The following SIPA1L3 variants were observed in gnomAD, a reference collection of about 807,000 sequenced individuals.
The protein encoded by SIPA1L3 is signal-induced proliferation-associated 1-like protein 3.
Under a neutral mutation model 150.1 loss-of-function variants are expected in SIPA1L3, and 59 were observed. The observed-to-expected ratio is 0.39, with a 90% confidence interval of 0.32 to 0.49. SIPA1L3 has a LOEUF of 0.49. Ranked by LOEUF, SIPA1L3 falls within the 20% of genes least tolerant of loss-of-function variation. The probability of loss-of-function intolerance (pLI) is 0.86; values close to 1 mark genes in which losing one functional copy is unlikely to be tolerated. For synonymous variants in SIPA1L3, 1,070 were observed against 1,077.6 expected, an observed-to-expected ratio of 0.99 and a Z score of 0.14; for missense variants, 2,211 against 2,489.5, an observed-to-expected ratio of 0.89 and a Z score of 2.38.
chr19:38,154,525 G>A (rs1328693838), intron 13 of SIPA1L3, among the ~76,000 whole-genome samples: 1 of 151,992 alleles, frequency 6.6e-6, no homozygotes, highest in Non-Finnish European at 1.5e-5. Context: ...TCGGCTCACC[G>A]CAACCTCCAA....
intron 1 of SIPA1L3, among the ~76,000 whole-genome samples, chr19:37,996,701 A>G (rs537839512): frequency 6.6e-6 from 1 of 151,628 alleles, no homozygotes; most frequent in South Asian, 2.1e-4. Context: ...ATTTTATTTT[A>G]TTTTATTTTT....
intron 10 of SIPA1L3, among the ~76,000 whole-genome samples, chr19:38,139,678 C>T (rs750722998): frequency 6.6e-6 from 1 of 152,218 alleles, no homozygotes; most frequent in African/African-American, 2.4e-5. Flanking sequence ...GCATCCACCT[C>T]TGTCTTAGTC....
At chr19:37,927,498 T>C (rs1376898181) in intron 1 of SIPA1L3, among the ~76,000 whole-genome samples, 1 of 151,610 alleles carries the variant, frequency 6.6e-6, no homozygotes, top group African/African-American at 2.4e-5. Flanking sequence ...TCTTGGTTTT[T>C]GGAATTCTCA....
chr19:38,154,245 G>A (rs142450678), intron 13 of SIPA1L3, among the ~76,000 whole-genome samples: 63 of 152,280 alleles, frequency 4.1e-4, no homozygotes, highest in Non-Finnish European at 8.1e-4. Flanking sequence ...GGTATCCCCC[G>A]TTGTATGAAT....
intron 10 of SIPA1L3, among the ~76,000 whole-genome samples, chr19:38,137,008 T>A (rs1971449848): frequency 3.3e-5 from 5 of 152,222 alleles, no homozygotes; most frequent in Admixed American, 3.3e-4. Flanking sequence ...CAGACTCTGC[T>A]AACGCTCAGA....
intron 21 of SIPA1L3, 134 bp from the exon 22 acceptor site, chr19:38,205,963 C>A: frequency 9.7e-7 from 1 of 1,034,926 alleles, no homozygotes; most frequent in Non-Finnish European, 1.3e-6. Context: ...GGGATGTGTG[C>A]CCCGGCCTGG....
At chr19:38,089,855 G>A (rs1036804740) in intron 4 of SIPA1L3, among the ~76,000 whole-genome samples, 5 of 152,268 alleles carry the variant, frequency 3.3e-5, no homozygotes, top group Non-Finnish European at 7.4e-5. Context: ...GCAAACTTCC[G>A]GCATAGCTGG....
intron 2 of SIPA1L3, among the ~76,000 whole-genome samples, chr19:38,032,994 G>A (rs1431513289): frequency 6.6e-6 from 1 of 152,246 alleles, no homozygotes; most frequent in African/African-American, 2.4e-5. Context: ...GCCAAGGAAG[G>A]CCTCTCTGAG....
chr19:37,977,806 C>T (rs1201121368), intron 1 of SIPA1L3, among the ~76,000 whole-genome samples: 1 of 152,164 alleles, frequency 6.6e-6, no homozygotes, highest in Admixed American at 6.5e-5. Context: ...CAGTGATTTG[C>T]ACGGTCTCCT....
At position 38,130,520 on chromosome 19, in the gene SIPA1L3, C is replaced by T. The variant is rs1156275305; in HGVS notation, c.2891C>T (p.Thr964Met). Reference sequence around the variant, plus strand: ...CAGGTGATGACCAGTGGCTGGGAGACGGTGGACATGACGCTTCGGCGGAAC... The same window carrying T: ...CAGGTGATGACCAGTGGCTGGGAGATGGTGGACATGACGCTTCGGCGGAAC... ...RLKVMTSGWE[T>M]VDMTLRRNGL... The change falls in exon 10 of 22, where the codon ACG becomes ATG. Residue 964 changes from threonine to methionine, a missense_variant. Coordinates refer to ENST00000222345, the MANE Select transcript of SIPA1L3 (RefSeq NM_015073.3). 3 of 1,612,248 alleles carry T rather than the reference C, an allele frequency of 1.9e-6. No individual in the cohort carries two copies. Among genetic ancestry groups the T allele is most frequent in the Non-Finnish European group, 2.5e-6 (3 of 1,179,578 alleles).
chr19:38,110,155 G>A, intron 7 of SIPA1L3, 72 bp from the exon 8 acceptor site: 2 of 1,457,014 alleles, frequency 1.4e-6, no homozygotes, highest in Non-Finnish European at 1.9e-6. Context: ...GGGAGCTGTG[G>A]CAGTGGTCCA....
rs141134837 is a variant in SIPA1L3, at chr19:38,119,836, C to T, written c.2822C>T (p.Thr941Ile). 236 of 1,613,196 alleles carry T rather than the reference C, an allele frequency of 1.5e-4. No individual in the cohort carries two copies. In the Admixed American group the frequency reaches 1.9e-3, roughly 13 times the overall value. The change falls in exon 9 of 22, where the codon ACA becomes ATA. Residue 941 changes from threonine to isoleucine, a missense_variant. Physicochemically the swap from Thr to Ile is moderately conservative, Grantham distance 89. Coordinates refer to ENST00000222345, the MANE Select transcript of SIPA1L3 (RefSeq NM_015073.3). ...GGAGACCACATCTTCCTACAGGCGACAGAGGGTTCTGTGGAGGACATAAGG... is the reference window on the plus strand; with the variant it reads ...GGAGACCACATCTTCCTACAGGCGATAGAGGGTTCTGTGGAGGACATAAGG... ...GRGDHIFLQA[T>I]EGSVEDIREI...
chr19:37,915,226 C>T (rs117668339), intron 1 of SIPA1L3, among the ~76,000 whole-genome samples: 1 of 152,184 alleles, frequency 6.6e-6, no homozygotes, highest in East Asian at 1.9e-4. Flanking sequence ...CAGAGCCTGT[C>T]AAGTAAAACA....
At chr19:38,195,802 GC>G (rs976090881) in intron 18 of SIPA1L3, among the ~76,000 whole-genome samples, 5 of 20,254 alleles carry the variant, frequency 2.5e-4, no homozygotes, top group South Asian at 1.7e-3. Context: ...GTCCCCCCCC[GC>G]CCCCCCGGGT....
At chr19:37,928,700 A>G (rs1010089828) in intron 1 of SIPA1L3, among the ~76,000 whole-genome samples, 1 of 152,194 alleles carries the variant, frequency 6.6e-6, no homozygotes, top group African/African-American at 2.4e-5. Flanking sequence ...GAGAATTTGC[A>G]TTTTGTGGTG....
chr19:38,197,484 C>G (rs867755644), intron 18 of SIPA1L3, among the ~76,000 whole-genome samples: 10 of 152,078 alleles, frequency 6.6e-5, no homozygotes, highest in Non-Finnish European at 8.8e-5. Flanking sequence ...CCTGCCCCCC[C>G]ACGGCAACCC....
chr19:38,042,264 A>C (rs773934771), intron 2 of SIPA1L3, among the ~76,000 whole-genome samples: 20 of 152,132 alleles, frequency 1.3e-4, no homozygotes, highest in Non-Finnish European at 1.3e-4. Context: ...GCTCAGTTTC[A>C]TTCTTATTTC....
At chr19:38,143,268 G>A (rs1199707733) in intron 12 of SIPA1L3, among the ~76,000 whole-genome samples, 1 of 152,078 alleles carries the variant, frequency 6.6e-6, no homozygotes, top group East Asian at 1.9e-4. Context: ...TTCAGCCCTC[G>A]TGCCCTCTGT....
chr19:38,039,693 CAAAA>C (rs60084757), intron 2 of SIPA1L3, among the ~76,000 whole-genome samples: 5 of 73,524 alleles, frequency 6.8e-5, no homozygotes, highest in East Asian at 4.4e-4. Context: ...GACTCTGTCT[CAAAA>C]AAAAAAAAAA....
Sources: gnomAD v4.1 joint callset for allele counts (sites outside exome capture counted in the v4.1 genomes callset) on GRCh38, gnomAD v4.1.1 for gene constraint, MANE v1.5 for transcripts, NCBI Gene and HGNC (gene_info 2026-07-23, HGNC 2026-07-21) for gene names.